Variants in CREBBP observed in about 807,000 individuals in gnomAD.
CREBBP encodes CREB binding lysine acetyltransferase.
Under a neutral mutation model 265.0 loss-of-function variants are expected in CREBBP, and 19 were observed. The observed-to-expected ratio is 0.07, with a 90% CI of 0.05 to 0.11. The LOEUF is 0.11. Ranked by LOEUF, CREBBP falls within the 10% of genes least tolerant of loss-of-function variation. The pLI is 1.00. For synonymous variants in CREBBP, 1,457 were observed against 1,223.7 expected (o/e 1.19, Z -3.98); for missense variants, 2,525 against 3,219.0 (o/e 0.78, Z 5.22).
rs2052625445 is a variant in CREBBP, at chr16:3,757,956, C to T, written c.3462G>A (p.Val1154=). The T allele has an allele frequency of 6.2e-7, 1 of 1,613,866 alleles. No individual in the cohort carries two copies. The highest frequency in any genetic ancestry group is 1.1e-5 in the South Asian group (1 of 91,068). Residue 1154 remains valine (V), a synonymous_variant, in exon 18 of 31, where the codon GTG becomes GTA. Coordinates refer to ENST00000262367, the MANE Select transcript of CREBBP (RefSeq NM_004380.3). The stretch of plus-strand genomic sequence containing the variant: ...TGTTGAACATGAGCCAGACGTCGTC[C>T]ACGTACTGCCAGGGCTCTTGGTATT... ...TGQYQEPWQY[V]DDVWLMFNNA... is the part of the protein sequence containing the mutation.
chr16:3,772,350 C>T (rs1038632525), intron 13 of CREBBP, among the ~76,000 whole-genome samples: 5 of 151,590 alleles, frequency 3.3e-5, no homozygotes, highest in Admixed American at 2.6e-4. Context: ...CACACACACA[C>T]ACACACACAC....
chr16:3,834,265 G>A (rs531513244), intron 2 of CREBBP, among the ~76,000 whole-genome samples: 3 of 152,226 alleles, frequency 2.0e-5, no homozygotes, highest in East Asian at 3.9e-4. Flanking sequence ...GTGCTCACTG[G>A]TATTTACCCA....
chr16:3,862,243 G>A (rs937993754), intron 1 of CREBBP, among the ~76,000 whole-genome samples: 14 of 152,182 alleles, frequency 9.2e-5, no homozygotes, highest in Non-Finnish European at 1.8e-4. Context: ...TAGAGGAAAA[G>A]GACACTGACA....
chr16:3,865,773 G>C (rs1048975782), intron 1 of CREBBP, among the ~76,000 whole-genome samples: 2 of 151,992 alleles, frequency 1.3e-5, no homozygotes, highest in Non-Finnish European at 2.9e-5. Context: ...TGAGTGGCTG[G>C]GACTACAGGT....
rs1249627930 is a variant in CREBBP at position 3,879,234 on chromosome 16, G to GCGCA, written c.85+597_85+598insTGCG. Among the ~76,000 whole-genome samples, 954 of 150,830 alleles carry GCGCA rather than the reference G, an allele frequency of 6.3e-3. 13 individuals carry two copies. The highest frequency in any genetic ancestry group is 0.021 in the African/African-American group (878 of 41,124). On this transcript the variant is annotated intron_variant, in intron 1 of 30. Transcript: ENST00000262367. The stretch of plus-strand genomic sequence containing the variant: ...TAGTTGACTAAAAACACACACGCGC[G>GCGCA]CACACACACACACACACACACACAC...
intron 15 of CREBBP, among the ~76,000 whole-genome samples, chr16:3,768,544 A>G (rs560552865): frequency 6.6e-6 from 1 of 152,296 alleles, no homozygotes; most frequent in East Asian, 1.9e-4. Context: ...AATCTCCTTG[A>G]AAGTTGGGGC....
intron 1 of CREBBP, among the ~76,000 whole-genome samples, chr16:3,856,644 G>C (rs2054969969): frequency 6.6e-6 from 1 of 152,170 alleles, no homozygotes; most frequent in Admixed American, 6.5e-5. Flanking sequence ...AAAATGCAGT[G>C]TTCCTTAACT....
rs200737526 is a variant in CREBBP, at chr16:3,777,991, G to A, written c.2113+20C>T. ...CAAGGAAACAGGCTAAGGGATGGCA[G>A]TAGGAAATAAAATCCTTACTTGGAG... On this transcript the variant is annotated intron_variant, in intron 10 of 30. Coordinates refer to ENST00000262367, the MANE Select transcript of CREBBP (RefSeq NM_004380.3). The A allele has an allele frequency of 4.6e-5, 74 of 1,613,334 alleles. No individual in the cohort carries two copies. The highest frequency in any genetic ancestry group is 6.0e-5 in the Non-Finnish European group (71 of 1,179,330).
At chr16:3,768,888 GA>G (rs2052929176) in intron 15 of CREBBP, among the ~76,000 whole-genome samples, 1 of 152,154 alleles carries the variant, frequency 6.6e-6, no homozygotes, top group African/African-American at 2.4e-5. Context: ...TGCAGAACTA[GA>G]AATGAATGGA....
chr16:3,773,726 C>T (rs2053068410), intron 13 of CREBBP, 25 bp downstream of exon 13: 2 of 1,611,742 alleles, frequency 1.2e-6, no homozygotes, highest in South Asian at 1.1e-5. Context: ...TCCTAGGGAG[C>T]CACGGTCCCA....
intron 1 of CREBBP, among the ~76,000 whole-genome samples, chr16:3,876,718 C>G (rs143168725): frequency 6.6e-6 from 1 of 152,268 alleles, no homozygotes; most frequent in African/African-American, 2.4e-5. Flanking sequence ...CTGTGCCTCT[C>G]CAGGGCTGCT....
At chr16:3,835,872 G>A (rs538602350) in intron 2 of CREBBP, among the ~76,000 whole-genome samples, 4 of 151,586 alleles carry the variant, frequency 2.6e-5, no homozygotes, top group South Asian at 2.1e-4. Flanking sequence ...GAGCCACCGC[G>A]CCCGGCAGAA....
At chr16:3,777,259 C>A (rs1201936226) in intron 11 of CREBBP, among the ~76,000 whole-genome samples, 2 of 151,750 alleles carry the variant, frequency 1.3e-5, no homozygotes, top group Non-Finnish European at 2.9e-5. Flanking sequence ...GGTGTGAACC[C>A]AGGAGGCGGA....
At chr16:3,802,181 G>C (rs1190084100) in intron 3 of CREBBP, among the ~76,000 whole-genome samples, 2 of 121,952 alleles carry the variant, frequency 1.6e-5, no homozygotes, top group African/African-American at 6.6e-5. Context: ...ACCCAGGCTG[G>C]AGTGCAATAG....
At position 3,791,994 on chromosome 16, in the gene CREBBP, C is replaced by T. The variant is rs750475407; in HGVS notation, c.1317G>A (p.Lys439=). 1.9e-6 allele frequency: 3 copies of T among 1,613,948 alleles called. No individual in the cohort carries two copies. The highest frequency in any genetic ancestry group is 1.1e-5 in the South Asian group (1 of 91,076). ...VCLPLKNASD[K]RNQQTILGSP... is the part of the protein sequence containing the mutation. ...GTGCTCACTTACTTTGTTGGTTTCG[C>T]TTGTCACTGGCATTTTTCAAAGGGA... The change falls in exon 5 of 31, where the codon AAG becomes AAA. Residue 439 remains lysine, a synonymous_variant. Transcript: ENST00000262367.
chr16:3,732,057 G>C, intron 28 of CREBBP, 120 bp from the exon 29 acceptor site: 1 of 1,573,100 alleles, frequency 6.4e-7, no homozygotes, highest in East Asian at 2.2e-5. Flanking sequence ...CCACCAGGCA[G>C]ACCCCATACG....
intron 11 of CREBBP, among the ~76,000 whole-genome samples, chr16:3,775,294 C>G (rs967988650): frequency 7.9e-5 from 12 of 152,212 alleles, no homozygotes; most frequent in Non-Finnish European, 1.5e-4. Context: ...CCGTCCTCAA[C>G]CTTAGCCTCC....
At chr16:3,849,682 G>A (rs2141486497) in intron 2 of CREBBP, among the ~76,000 whole-genome samples, 1 of 151,648 alleles carries the variant, frequency 6.6e-6, no homozygotes, top group African/African-American at 2.4e-5. Flanking sequence ...CCATCTGGAG[G>A]CTTCTTAAAG....
In CREBBP at chr16:3,736,791, G is replaced by A. The variant is rs370689343; in HGVS notation, c.4419C>T (p.Ala1473=). The A allele has an allele frequency of 8.1e-6, 13 of 1,614,002 alleles. No homozygotes were observed. The African/African-American group carries it at 9.3e-5, about 12-fold the overall frequency. Residue 1473 remains alanine (A), a synonymous_variant, in exon 27 of 31, where the codon GCC becomes GCT. Transcript: ENST00000262367. The stretch of plus-strand genomic sequence containing the variant: ...AATCATCTCCTTCACTTGGAGGACA[G>A]GCCCAGATGTGCCCTGTCACATACC... ...KLGYVTGHIW[A]CPPSEGDDYI...
Sources: allele counts gnomAD v4.1 joint callset (sites outside exome capture counted in the v4.1 genomes callset), GRCh38; gene constraint gnomAD v4.1.1; transcripts MANE v1.5; gene names NCBI Gene and HGNC (gene_info 2026-07-23, HGNC 2026-07-21).